JCAD: variants seen among roughly 807,000 people sequenced by gnomAD.
JCAD encodes junctional cadherin 5 associated.
In JCAD, 40 loss-of-function variants were observed where a neutral mutation model predicts 98.0. That is an observed-to-expected ratio of 0.41 (90% CI 0.32 to 0.53). The LOEUF is 0.53. Among genes scored for constraint, JCAD ranks in the 20% least tolerant of loss-of-function variants. The pLI is 0.31. For missense variants in JCAD, 1,705 were observed against 1,738.1 expected (o/e 0.98, Z 0.34); for synonymous variants, 691 against 682.3 (o/e 1.01, Z -0.20).
At chr10:30,069,852 T>A (rs1354514631) in intron 1 of JCAD, 1 of 152,096 alleles carries the variant, frequency 6.6e-6, no homozygotes, top group African/African-American at 2.4e-5. Flanking sequence ...CAGAAAACGT[T>A]AGAAAATATC....
chr10:30,095,959 G>T (rs907683665), intron 1 of JCAD, among the ~76,000 whole-genome samples: 1 of 152,168 alleles, frequency 6.6e-6, no homozygotes, highest in African/African-American at 2.4e-5. Context: ...TTTCAGTAAG[G>T]CGGAACTTCT....
intron 2 of JCAD, among the ~76,000 whole-genome samples, chr10:30,046,980 G>C (rs187363270): frequency 2.6e-5 from 4 of 151,926 alleles, no homozygotes; most frequent in Non-Finnish European, 1.5e-5. Context: ...CCAGCTATTC[G>C]AGAGGCTGAG....
intron 1 of JCAD, among the ~76,000 whole-genome samples, chr10:30,086,038 A>C (rs1019965497): frequency 6.6e-6 from 1 of 152,214 alleles, no homozygotes; most frequent in Non-Finnish European, 1.5e-5. Flanking sequence ...ACTCATTGGA[A>C]AATGGGAAAT....
chr10:30,075,196 G>T (rs1478311599), intron 1 of JCAD, among the ~76,000 whole-genome samples: 1 of 152,140 alleles, frequency 6.6e-6, no homozygotes, highest in Non-Finnish European at 1.5e-5. Context: ...GAAGGAAAAG[G>T]CCTTGGAATC....
intron 2 of JCAD, among the ~76,000 whole-genome samples, chr10:30,065,010 T>C (rs1384172395): frequency 2.0e-5 from 3 of 152,192 alleles, no homozygotes; most frequent in African/African-American, 7.2e-5. Context: ...GTCTCTCTTG[T>C]TGGCTTGTTT....
chr10:30,020,837 T>C (rs1260575591), intron 3 of JCAD, among the ~76,000 whole-genome samples: 2 of 152,202 alleles, frequency 1.3e-5, no homozygotes, highest in African/African-American at 4.8e-5. Context: ...GTCATGAAAT[T>C]ATGAGAACGT....
At chr10:30,058,918 G>A (rs1356191520) in intron 1 of JCAD, among the ~76,000 whole-genome samples, 2 of 152,164 alleles carry the variant, frequency 1.3e-5, no homozygotes, top group Non-Finnish European at 2.9e-5. Context: ...GACCGGAGCG[G>A]GAGCGGGGCC....
At position 30,027,477 on chromosome 10, in the gene JCAD, C is replaced by G. The variant is rs768913681; in HGVS notation, c.2671G>C (p.Glu891Gln). 42 of 1,606,694 alleles carry G rather than the reference C, an allele frequency of 2.6e-5. No homozygotes were observed. The highest frequency in any genetic ancestry group is 3.1e-5 in the Non-Finnish European group (37 of 1,180,004). ...FRGNSPEMRVEPQPRMWVPES... is the reference protein window; with the variant it reads ...FRGNSPEMRVQPQPRMWVPES... ...GGCACCCACATCCTCGGCTGTGGCT[C>G]AACCCTCATTTCCGGGCTGTTTCCG... is the stretch of plus-strand genomic sequence containing the variant. Residue 891 changes from glutamate to glutamine, a missense_variant, in exon 3 of 4, where the codon GAG (glutamate) becomes CAG (glutamine). Coordinates refer to ENST00000375377, the MANE Select transcript of JCAD (RefSeq NM_020848.4).
chr10:30,082,484 C>T (rs144744886), intron 1 of JCAD, among the ~76,000 whole-genome samples: 6,819 of 152,042 alleles, frequency 0.045, 198 homozygotes, highest in East Asian at 0.095. Context: ...TTTGAGAGGC[C>T]GAGGTGGGTG....
chr10:30,062,341 A>G (rs749831679), upstream of JCAD, among the ~76,000 whole-genome samples: 3 of 152,150 alleles, frequency 2.0e-5, no homozygotes, highest in Non-Finnish European at 2.9e-5. Flanking sequence ...GTCTTTCCTC[A>G]GTACTGATGT....
chr10:30,036,561 T>C (rs983948445), intron 2 of JCAD, among the ~76,000 whole-genome samples: 4 of 152,214 alleles, frequency 2.6e-5, no homozygotes, highest in African/African-American at 9.6e-5. Context: ...ACTGACTTGT[T>C]ATCACCCAGG....
chr10:30,089,394 C>T (rs1441126419), intron 1 of JCAD, among the ~76,000 whole-genome samples: 5 of 152,162 alleles, frequency 3.3e-5, no homozygotes, highest in African/African-American at 4.8e-5. Flanking sequence ...CACCTCTTCT[C>T]GCCCTGCTCA....
chr10:30,057,230 G>T (rs955136489), intron 1 of JCAD, among the ~76,000 whole-genome samples: 2 of 152,214 alleles, frequency 1.3e-5, no homozygotes, highest in Non-Finnish European at 2.9e-5. Flanking sequence ...GACTCCTAAG[G>T]ATGACTGGTG....
intron 1 of JCAD, among the ~76,000 whole-genome samples, chr10:30,071,029 C>A (rs1163074955): frequency 2.0e-5 from 3 of 152,110 alleles, no homozygotes; most frequent in Non-Finnish European, 4.4e-5. Context: ...CTCAGCCTCC[C>A]AAGTAGCTGG....
chr10:30,092,562 C>G (rs1408875615), intron 1 of JCAD, among the ~76,000 whole-genome samples: 1 of 152,144 alleles, frequency 6.6e-6, no homozygotes, highest in Non-Finnish European at 1.5e-5. Flanking sequence ...GGAGCACAAG[C>G]CCAGCGTTTT....
At chr10:30,041,473 G>A (rs1837241426) in intron 2 of JCAD, among the ~76,000 whole-genome samples, 1 of 152,208 alleles carries the variant, frequency 6.6e-6, no homozygotes, top group East Asian at 1.9e-4. Context: ...AGCAGGATAT[G>A]ATTTAAGAGA....
intron 1 of JCAD, among the ~76,000 whole-genome samples, chr10:30,074,681 A>G (rs1837951747): frequency 6.6e-6 from 1 of 152,252 alleles, no homozygotes; most frequent in South Asian, 2.1e-4. Context: ...GGTAGTGGTA[A>G]AGGAGACCAT....
intron 1 of JCAD, among the ~76,000 whole-genome samples, chr10:30,095,687 G>A (rs1838356137): frequency 6.6e-6 from 1 of 152,202 alleles, no homozygotes; most frequent in South Asian, 2.1e-4. Flanking sequence ...TCATGGTCAA[G>A]GGCTGTGTCT....
chr10:30,097,296 T>C (rs918892932), intron 1 of JCAD, among the ~76,000 whole-genome samples: 1 of 152,162 alleles, frequency 6.6e-6, no homozygotes, highest in African/African-American at 2.4e-5. Flanking sequence ...AGCTGGTGCT[T>C]ACTCTAAGCC....
Sources: allele counts gnomAD v4.1 joint callset (sites outside exome capture counted in the v4.1 genomes callset), GRCh38; gene constraint gnomAD v4.1.1; transcripts MANE v1.5; gene names NCBI Gene and HGNC (gene_info 2026-07-23, HGNC 2026-07-21).